Variants in SYNE2 observed in about 807,000 individuals in gnomAD.
SYNE2 encodes the protein nesprin-2.
A neutral mutation model predicts 856.3 loss-of-function variants in SYNE2; 431 were observed. The ratio of observed to expected loss-of-function variants is 0.50; its 90% CI spans 0.47 to 0.55. The LOEUF is 0.55. Among genes scored for constraint, SYNE2 ranks in the 20% least tolerant of loss-of-function variants. The pLI is 0.00. For synonymous variants in SYNE2, 2,923 were observed against 2,872.3 expected (o/e 1.02, Z -0.56); for missense variants, 8,129 against 8,023.2 (o/e 1.01, Z -0.50).
chr14:63,779,540 A>C (rs777987990), intron 1 of SYNE2, among the ~76,000 whole-genome samples: 4 of 151,900 alleles, frequency 2.6e-5, no homozygotes, highest in Non-Finnish European at 5.9e-5. Flanking sequence ...TTGTAAGATC[A>C]GGAACAAGCC....
At chr14:64,053,873 G>A (rs1383774240) in intron 48 of SYNE2, among the ~76,000 whole-genome samples, 1 of 152,164 alleles carries the variant, frequency 6.6e-6, no homozygotes, top group Non-Finnish European at 1.5e-5. Context: ...GGAGGCTGAG[G>A]TACAAGAATC....
chr14:63,821,427 A>G (rs867843577), intron 1 of SYNE2, among the ~76,000 whole-genome samples: 5 of 152,174 alleles, frequency 3.3e-5, no homozygotes, highest in South Asian at 4.1e-4. Context: ...GGAAACTTCA[A>G]AATGTATTTG....
At chr14:63,845,335 G>A (rs895214330) in intron 1 of SYNE2, among the ~76,000 whole-genome samples, 16 of 151,452 alleles carry the variant, frequency 1.1e-4, no homozygotes, top group Non-Finnish European at 1.0e-4. Context: ...AGAATCACTT[G>A]AACCCAGGAG....
chr14:63,768,915 A>G (rs1566554623), intron 1 of SYNE2, among the ~76,000 whole-genome samples: 1 of 151,816 alleles, frequency 6.6e-6, no homozygotes, highest in African/African-American at 2.4e-5. Context: ...AAAACACAAG[A>G]CATATTAATT....
At chr14:63,867,574 T>C (rs1432701298) in intron 1 of SYNE2, among the ~76,000 whole-genome samples, 1 of 152,132 alleles carries the variant, frequency 6.6e-6, no homozygotes, top group Non-Finnish European at 1.5e-5. Context: ...GGCACATACC[T>C]GTAGTCCCAG....
intron 48 of SYNE2, among the ~76,000 whole-genome samples, chr14:64,054,216 C>T (rs368896446): frequency 2.6e-5 from 4 of 152,260 alleles, no homozygotes; most frequent in Non-Finnish European, 5.9e-5. Flanking sequence ...TTTCTGTTTT[C>T]CTCGTAGTCT....
In SYNE2 at chr14:64,226,026, G is replaced by A. The variant is rs1476394778; in HGVS notation, c.*500G>A. 1 of 215,008 alleles carries A rather than the reference G, an allele frequency of 4.7e-6. No homozygotes were observed. The highest frequency in any genetic ancestry group is 9.4e-6 in the Non-Finnish European group (1 of 106,544). 13.3% of individuals were successfully genotyped at this position (215,008 alleles called of 1,614,324 possible). A position where few individuals can be genotyped will look rare whatever the true frequency, so the allele number is the denominator to read the frequency against. ...TTTACTCCAATCAGCTGGCAATTTT[G>A]AGCTGCCGGTTATACACCAAAATGT... On this transcript the variant is annotated 3_prime_UTR_variant, in exon 116 of 116. Transcript: ENST00000555002.
At chr14:64,134,289 G>A in intron 78 of SYNE2, 89 bp downstream of exon 78, 2 of 1,388,062 alleles carry the variant, frequency 1.4e-6, no homozygotes, top group South Asian at 2.3e-5. Flanking sequence ...GATTTGGAAG[G>A]TTTGAATTGA....
intron 1 of SYNE2, among the ~76,000 whole-genome samples, chr14:63,869,198 G>A (rs1046172488): frequency 6.6e-6 from 1 of 152,172 alleles, no homozygotes; most frequent in Admixed American, 6.5e-5. Flanking sequence ...CAGCCTGCTC[G>A]CTGCCTCTGG....
intron 52 of SYNE2, 99 bp from the exon 53 acceptor site, chr14:64,073,869 C>T: frequency 2.3e-6 from 3 of 1,280,714 alleles, no homozygotes; most frequent in Non-Finnish European, 3.4e-6. Flanking sequence ...CCTTTAGTAG[C>T]TATTCAGGCA....
intron 78 of SYNE2, 138 bp downstream of exon 78, chr14:64,134,338 T>C: frequency 1.1e-6 from 1 of 938,148 alleles, no homozygotes; most frequent in Non-Finnish European, 1.7e-6. Flanking sequence ...TTGAATGTAT[T>C]CAGGGAGACT....
In SYNE2 at chr14:64,226,249, C is replaced by T. The variant is rs1401648976; in HGVS notation, c.*723C>T. On this transcript the variant is annotated 3_prime_UTR_variant, in exon 116 of 116. Transcript: ENST00000555002. ...TGTAAAGTAAATGCCAAACTACCGA[C>T]TTGATAGGGATGTTTTTGTAAGTTA... is the stretch of plus-strand genomic sequence containing the variant. 1 of 138,928 alleles carries T rather than the reference C, an allele frequency of 7.2e-6. No homozygotes were observed. The highest frequency in any genetic ancestry group is 1.5e-5 in the Non-Finnish European group (1 of 66,392). 8.6% of individuals were successfully genotyped at this position (138,928 alleles called of 1,614,324 possible). A position where few individuals can be genotyped will look rare whatever the true frequency, so the allele number is the denominator to read the frequency against.
At position 64,003,003 on chromosome 14, in the gene SYNE2, C is replaced by A. The variant is rs769845003; in HGVS notation, c.4070C>A (p.Thr1357Lys). The change falls in exon 30 of 116, where the codon ACG becomes AAG. Residue 1357 changes from threonine to lysine, a missense_variant. Around this residue, in one of 3 missense-constraint regions of SYNE2, gnomAD observed 2,422 missense variants for 2,357.4 expected, o/e 1.03. Transcript: ENST00000555002. Reference sequence around the variant, plus strand: ...GATACACAGGTGGCACAAGAAAATACGTTGACAGTAAAAAATAAAGAGGGA... The same window carrying A: ...GATACACAGGTGGCACAAGAAAATAAGTTGACAGTAAAAAATAAAGAGGGA... ...ASDTQVAQEN[T>K]LTVKNKEGEI... 3.1e-6 allele frequency: 5 copies of A among 1,614,060 alleles called. No homozygotes were observed. In the East Asian group the frequency reaches 8.9e-5, roughly 29 times the overall value.
At chr14:63,999,717 A>C (rs1426402796) in intron 27 of SYNE2, among the ~76,000 whole-genome samples, 1 of 152,226 alleles carries the variant, frequency 6.6e-6, no homozygotes, top group Non-Finnish European at 1.5e-5. Context: ...TTCTTGATGC[A>C]CGCCCTGAGT....
intron 114 of SYNE2, 80 bp downstream of exon 114, chr14:64,224,627 A>G: frequency 6.6e-7 from 1 of 1,504,614 alleles, no homozygotes; most frequent in Non-Finnish European, 9.2e-7. Flanking sequence ...TGGGATTCCA[A>G]GAGCCCATTA....
chr14:64,187,973 T>A (rs2098500371), intron 97 of SYNE2, among the ~76,000 whole-genome samples: 1 of 152,238 alleles, frequency 6.6e-6, no homozygotes, highest in Admixed American at 6.5e-5. Context: ...CTGTTGATGA[T>A]ACTTTTATGG....
At position 64,224,524 on chromosome 14, in the gene SYNE2, T is replaced by G; in HGVS notation, c.20446T>G (p.Ser6816Ala). 2 of 1,614,038 alleles carry G rather than the reference T, an allele frequency of 1.2e-6. No homozygotes were observed. Among genetic ancestry groups the G allele is most frequent in the Non-Finnish European group, 1.7e-6 (2 of 1,180,016 alleles). ...VDSGDQPPAT[S>A]VPAPRAKFRA... is the part of the protein sequence containing the mutation. ...CTCGGGGGACCAGCCTCCTGCAACA[T>G]CCGTGCCAGCTCCCCGAGCAAAGGT... Residue 6816 changes from serine to alanine, a missense_variant, in exon 114 of 116, where the codon TCC (serine) becomes GCC (alanine). By Grantham distance (99) the Ser-to-Ala change is moderately conservative. Around this residue, in one of 3 missense-constraint regions of SYNE2, gnomAD observed 5,410 missense variants for 5,284.8 expected, o/e 1.02. Coordinates refer to ENST00000555002, the MANE Select transcript of SYNE2 (RefSeq NM_182914.3).
Position 63,954,733 on chromosome 14 carries a change from A to C in SYNE2, c.605A>C (p.Asn202Thr). The stretch of plus-strand genomic sequence containing the variant: ...TTTTATGATAGCTATGAGTCTGTCA[A>C]TGTGACCGATTTTAAGTCAAGTTGG... ...QEQCATYESVNVTDFKSSWRN... is the reference protein window; with the variant it reads ...QEQCATYESVTVTDFKSSWRN... Residue 202 changes from asparagine to threonine, a missense_variant, in exon 8 of 116, where the codon AAT (asparagine) becomes ACT (threonine). Transcript: ENST00000555002. 6.2e-7 allele frequency: 1 copy of C among 1,614,032 alleles called. No individual in the cohort carries two copies. Among genetic ancestry groups the C allele is most frequent in the Non-Finnish European group, 8.5e-7 (1 of 1,179,974 alleles).
At chr14:64,112,659 A>G (rs1317883633) in intron 65 of SYNE2, among the ~76,000 whole-genome samples, 1 of 152,210 alleles carries the variant, frequency 6.6e-6, no homozygotes, top group Non-Finnish European at 1.5e-5. Flanking sequence ...CCTTAACTCA[A>G]TCATATTCGA....
Sources: allele counts gnomAD v4.1 joint callset (sites outside exome capture counted in the v4.1 genomes callset), GRCh38; gene constraint gnomAD v4.1.1; regional missense constraint gnomAD v4.1.1; transcripts MANE v1.5; gene names NCBI Gene and HGNC (gene_info 2026-07-23, HGNC 2026-07-21).